The following DHRSX variants were observed in gnomAD, a reference collection of about 807,000 sequenced individuals.
The protein encoded by DHRSX is polyprenol dehydrogenase.
Under a neutral mutation model 34.0 loss-of-function variants are expected in DHRSX, and 31 were observed. The ratio of observed to expected loss-of-function variants is 0.91; its 90% confidence interval spans 0.69 to 1.23. The LOEUF is 1.23. Ranked by LOEUF, DHRSX falls within the 50% of genes most tolerant of loss-of-function variation. The pLI, the probability that DHRSX is intolerant of heterozygous loss-of-function variation, is 0.00. For missense variants in DHRSX, 414 were observed against 428.1 expected, an observed-to-expected ratio of 0.97 and a Z score of 0.29; for synonymous variants, 201 against 183.8, an observed-to-expected ratio of 1.09 and a Z score of -0.76.
At position 2,305,551 on chromosome X, in the gene DHRSX, T is replaced by C. The variant is rs151208398; in HGVS notation, c.287-13948A>G. Among the ~76,000 whole-genome samples the C allele has an allele frequency of 2.5e-3, 385 of 152,278 alleles. 13 individuals carry two copies. The East Asian group carries it at 0.067, about 27-fold the overall frequency. ...AAGACACATGCACATGTGTGTTTAC[T>C]GCAGCACTGTTCACAATATTAAAGA... On this transcript the variant is annotated intron_variant, in intron 3 of 6. Coordinates refer to ENST00000334651, the MANE Select transcript of DHRSX (RefSeq NM_145177.3).
chrX:2,243,328 A>G, intron 5 of DHRSX, 98 bp from the exon 6 acceptor site: 1 of 1,019,308 alleles, frequency 9.8e-7, no homozygotes, highest in Non-Finnish European at 1.5e-6. Flanking sequence ...GGCCACGTCT[A>G]TACGCAGCCA....
At chrX:2,400,546 T>C (rs1410482509) in intron 3 of DHRSX, among the ~76,000 whole-genome samples, 1 of 152,164 alleles carries the variant, frequency 6.6e-6, no homozygotes, top group African/African-American at 2.4e-5. Flanking sequence ...CTGAGGTAGA[T>C]TGTCTCGGGA....
intron 3 of DHRSX, among the ~76,000 whole-genome samples, chrX:2,405,210 C>T (rs1438629160): frequency 3.3e-5 from 5 of 152,082 alleles, no homozygotes; most frequent in African/African-American, 9.7e-5. Flanking sequence ...GAATCAAGGC[C>T]GGGCGCGGTG....
chrX:2,441,384 G>C (rs1378200572), intron 1 of DHRSX, among the ~76,000 whole-genome samples: 1 of 152,130 alleles, frequency 6.6e-6, no homozygotes, highest in Non-Finnish European at 1.5e-5. Flanking sequence ...TGGATGCTAT[G>C]TCTCTCTTAG....
chrX:2,423,708 A>G (rs1217557850), intron 2 of DHRSX, among the ~76,000 whole-genome samples: 1 of 152,058 alleles, frequency 6.6e-6, no homozygotes, highest in Non-Finnish European at 1.5e-5. Flanking sequence ...AGACTTCCCC[A>G]GGTATGCAAT....
Position 2,452,883 on chromosome X carries a change from T to C in DHRSX, c.110-27579A>G, listed in dbSNP as rs763439328. On this transcript the variant is annotated intron_variant, in intron 1 of 6. Coordinates refer to ENST00000334651, the MANE Select transcript of DHRSX (RefSeq NM_145177.3). Reference sequence around the variant, plus strand: ...AAGAATGGTGTACAGGATCTAGTCATCCCACCACTGGGTGTGTACCCATCA... The same window carrying C: ...AAGAATGGTGTACAGGATCTAGTCACCCCACCACTGGGTGTGTACCCATCA... 2.5e-4 allele frequency among the ~76,000 whole-genome samples: 38 copies of C among 152,308 alleles called. No homozygotes were observed. The Middle Eastern group carries it at 0.017, about 68-fold the overall frequency.
intron 2 of DHRSX, among the ~76,000 whole-genome samples, chrX:2,411,545 A>G (rs935293370): frequency 1.5e-5 from 2 of 137,850 alleles, no homozygotes; most frequent in African/African-American, 6.0e-5. Context: ...ACAGAGCCCA[A>G]CTCTGTCCCA....
intron 1 of DHRSX, chrX:2,487,511 G>C (rs5982687): frequency 0.2 from 30,777 of 152,082 alleles, 3,833 homozygotes; most frequent in East Asian, 0.65. Context: ...ATTACAGGCG[G>C]GTGCCACCGC....
Position 2,243,148 on chromosome X carries a change from C to T in DHRSX, c.679G>A (p.Ala227Thr), listed in dbSNP as rs745478960. 2.5e-6 allele frequency: 4 copies of T among 1,613,930 alleles called. No individual in the cohort carries two copies. In the South Asian group the frequency reaches 4.4e-5, roughly 18 times the overall value. ...LFTYHLQRLL[A>T]AEGSHVTANV... ...GCGGTCACGTGGCTTCCCTCAGCCG[C>T]CAGCAGCCGCTGGAGGTGGTAGGTG... Residue 227 changes from alanine (A) to threonine (T), a missense_variant, in exon 6 of 7, where the codon GCG (alanine) becomes ACG (threonine). Ala to Thr is a moderately conservative substitution (Grantham distance 58). Transcript: ENST00000334651.
chrX:2,416,727 G>A (rs899146153), intron 2 of DHRSX, among the ~76,000 whole-genome samples: 36 of 152,224 alleles, frequency 2.4e-4, no homozygotes, highest in African/African-American at 7.2e-4. Flanking sequence ...TTGAAACAAT[G>A]AGAACTAAGA....
At chrX:2,478,265 C>T (rs1248088050) in intron 1 of DHRSX, among the ~76,000 whole-genome samples, 8 of 152,044 alleles carry the variant, frequency 5.3e-5, no homozygotes, top group Admixed American at 6.6e-5. Context: ...TCTCACTGTG[C>T]CTGGGATGGG....
At chrX:2,260,901 A>G (rs1224318796) in intron 5 of DHRSX, among the ~76,000 whole-genome samples, 1 of 152,192 alleles carries the variant, frequency 6.6e-6, no homozygotes, top group Non-Finnish European at 1.5e-5. Context: ...GGATGTGGAC[A>G]TAACTCTTCA....
chrX:2,485,732 AAAAGGGAGAGAAGGGAGGGAAG>A (rs1183333363), intron 1 of DHRSX, among the ~76,000 whole-genome samples: 4 of 71,898 alleles, frequency 5.6e-5, no homozygotes, highest in East Asian at 3.7e-4. Flanking sequence ...AGGAAGGGAG[AAAAGGGAGAGAAGGGAGGGAAG>A]GAAGGGAGAG....
chrX:2,326,351 C>T (rs1337080409), intron 3 of DHRSX, among the ~76,000 whole-genome samples: 2 of 151,992 alleles, frequency 1.3e-5, no homozygotes, highest in African/African-American at 2.4e-5. Flanking sequence ...AGTGAAACCC[C>T]GTCTCTACTA....
chrX:2,430,833 T>C (rs1395407841), intron 1 of DHRSX, among the ~76,000 whole-genome samples: 1 of 150,448 alleles, frequency 6.6e-6, no homozygotes, highest in Non-Finnish European at 1.5e-5. Flanking sequence ...GGCAACATAG[T>C]GAAGCCCCAT....
At chrX:2,241,148 C>G (rs1046529221) in intron 6 of DHRSX, among the ~76,000 whole-genome samples, 29 of 152,160 alleles carry the variant, frequency 1.9e-4, no homozygotes, top group Non-Finnish European at 4.1e-4. Flanking sequence ...CACACCACGG[C>G]ACTCCAGCCT....
chrX:2,260,528 C>A (rs760716089), intron 5 of DHRSX, among the ~76,000 whole-genome samples: 1 of 151,614 alleles, frequency 6.6e-6, no homozygotes, highest in Admixed American at 6.6e-5. Context: ...GGCACGATCT[C>A]AGCTCACTGC....
chrX:2,247,789 A>G (rs934310287), intron 5 of DHRSX, among the ~76,000 whole-genome samples: 2 of 152,134 alleles, frequency 1.3e-5, no homozygotes, highest in Admixed American at 6.6e-5. Flanking sequence ...TGAAGACCTC[A>G]GAAGCAGCAT....
chrX:2,299,992 T>C (rs140948353), intron 3 of DHRSX, among the ~76,000 whole-genome samples: 1,883 of 152,126 alleles, frequency 0.012, 45 homozygotes, highest in African/African-American at 0.043. Flanking sequence ...CACAGAGGCA[T>C]GTGTTGATAA....
Sources: allele counts gnomAD v4.1 joint callset (sites outside exome capture counted in the v4.1 genomes callset), GRCh38; gene constraint gnomAD v4.1.1; transcripts MANE v1.5; gene names NCBI Gene and HGNC (gene_info 2026-07-23, HGNC 2026-07-21).